Variants in SRR observed in about 807,000 individuals in gnomAD.
The protein encoded by SRR is serine racemase, also known as D-serine ammonia-lyase.
SRR carries 19 observed loss-of-function variants against 32.7 expected under a neutral mutation model. That is an observed-to-expected ratio of 0.58 (90% CI 0.40 to 0.85). The LOEUF (loss-of-function observed/expected upper bound fraction) is 0.85. Ranked by LOEUF, SRR falls within the 40% of genes least tolerant of loss-of-function variation. SRR has a pLI of 0.00. For synonymous variants in SRR, 142 were observed against 140.9 expected, an observed-to-expected ratio of 1.01 and a Z score of -0.06; for missense variants, 373 against 404.7, an observed-to-expected ratio of 0.92 and a Z score of 0.67.
At chr17:2,316,940 T>C (rs1011080385) in intron 2 of SRR, among the ~76,000 whole-genome samples, 2 of 146,490 alleles carry the variant, frequency 1.4e-5, no homozygotes, top group African/African-American at 5.0e-5. Flanking sequence ...TTAGCCAGGA[T>C]GTTCTTGATC....
rs1463742141 is a variant in SRR at position 2,307,595 on chromosome 17, C to T, written c.-5+3578C>T. The T allele has an allele frequency of 5.0e-6, 5 of 1,003,294 alleles. 1 individual carries two copies. Among genetic ancestry groups the T allele is most frequent in the African/African-American group, 3.2e-5 (2 of 63,084 alleles). 62.1% of individuals were successfully genotyped at this position (1,003,294 alleles called of 1,614,324 possible). A position where few individuals can be genotyped will look rare whatever the true frequency, so the allele number is the denominator to read the frequency against. On this transcript the variant is annotated intron_variant, in intron 1 of 7. Transcript: ENST00000344595. ...TTTTTGGACCCATGAAGGGAGGAAA[C>T]TTTGGAGGCAGAAGCTCTGGCCCCT... is the stretch of plus-strand genomic sequence containing the variant.
chr17:2,305,854 T>G (rs1314947424), intron 1 of SRR, among the ~76,000 whole-genome samples: 1 of 151,808 alleles, frequency 6.6e-6, no homozygotes, highest in Non-Finnish European at 1.5e-5. Flanking sequence ...CCCACCACCA[T>G]GCCCAGCTAA....
In SRR at chr17:2,325,019, C is replaced by T. The variant is rs1597273668; in HGVS notation, c.*1146C>T. The T allele has an allele frequency of 1.6e-6, 1 of 640,028 alleles. No individual in the cohort carries two copies. Among genetic ancestry groups the T allele is most frequent in the South Asian group, 2.2e-5 (1 of 45,076 alleles). 39.6% of individuals were successfully genotyped at this position (640,028 alleles called of 1,614,324 possible). ...AATAGGTTCTTGAAAACTTGTACTT[C>T]AAGAGAAATGATGTATAACAAAACC... On this transcript the variant is annotated 3_prime_UTR_variant, in exon 8 of 8. Coordinates refer to ENST00000344595, the MANE Select transcript of SRR (RefSeq NM_021947.3).
rs1195694879 is a variant in SRR at position 2,321,303 on chromosome 17, C to T, written c.400-3C>T. ...CAATTAAGCTAAATTAATGTACTTT[C>T]AGTCCAGAGAAAATGTTGCAAAAAG... On this transcript the variant is annotated splice_polypyrimidine_tract_variant and splice_region_variant and intron_variant, in intron 4 of 7. Transcript: ENST00000344595. The T allele has an allele frequency of 6.2e-7, 1 of 1,613,394 alleles. No homozygotes were observed. The highest frequency in any genetic ancestry group is 8.5e-7 in the Non-Finnish European group (1 of 1,179,830).
chr17:2,318,430 G>A (rs936147294), intron 3 of SRR, among the ~76,000 whole-genome samples: 17 of 151,026 alleles, frequency 1.1e-4, no homozygotes, highest in African/African-American at 3.2e-4. Context: ...GATTACAGGC[G>A]TGAGCCACCA....
Position 2,323,380 on chromosome 17 carries a change from T to C in SRR, c.804+35T>C, listed in dbSNP as rs781539118. 8.1e-6 allele frequency: 13 copies of C among 1,611,662 alleles called. No individual in the cohort carries two copies. In the Admixed American group the frequency reaches 8.3e-5, roughly 10 times the overall value. On this transcript the variant is annotated intron_variant, in intron 7 of 7. Coordinates refer to ENST00000344595, the MANE Select transcript of SRR (RefSeq NM_021947.3). ...CAGCAAGAAAAGAAATAGCAAAGCA[T>C]GGTGTAACTTCTTAGGCAGAAGAAA...
intron 1 of SRR, among the ~76,000 whole-genome samples, chr17:2,314,953 G>T (rs957328598): frequency 3.3e-5 from 5 of 151,576 alleles, no homozygotes; most frequent in African/African-American, 1.2e-4. Context: ...ATGATTAAAA[G>T]AAAGGTGGAG....
At chr17:2,303,496 G>A, upstream of SRR, 4 of 1,327,280 alleles carry the variant, frequency 3.0e-6, no homozygotes, top group African/African-American at 3.1e-5. Context: ...GCGAGGGTCC[G>A]CCGCGGCCCC....
At chr17:2,317,681 C>T (rs1479742996) in intron 2 of SRR, among the ~76,000 whole-genome samples, 189 bp from the exon 3 acceptor site, 15 of 151,698 alleles carry the variant, frequency 9.9e-5, no homozygotes, top group Admixed American at 9.9e-4. Flanking sequence ...GCACTCCAGC[C>T]GGGATAACGG....
chr17:2,317,646 T>C (rs2075487540), intron 2 of SRR, among the ~76,000 whole-genome samples: 1 of 152,048 alleles, frequency 6.6e-6, no homozygotes, highest in African/African-American at 2.4e-5. Context: ...AGGCGGACGT[T>C]GCAGTAAGCC....
chr17:2,306,599 C>T (rs1392344822), intron 1 of SRR, among the ~76,000 whole-genome samples: 2 of 151,924 alleles, frequency 1.3e-5, no homozygotes, highest in Non-Finnish European at 2.9e-5. Flanking sequence ...TGCCTGTAAT[C>T]CCAGCTACTT....
intron 2 of SRR, among the ~76,000 whole-genome samples, chr17:2,316,862 G>T (rs886178651): frequency 6.8e-6 from 1 of 147,208 alleles, no homozygotes; most frequent in Non-Finnish European, 1.5e-5. Flanking sequence ...ACAGGCGCCT[G>T]CCACCACGCC....
chr17:2,324,836 G>T lies in SRR; in HGVS notation c.*963G>T. On this transcript the variant is annotated 3_prime_UTR_variant, in exon 8 of 8. Coordinates refer to ENST00000344595, the MANE Select transcript of SRR (RefSeq NM_021947.3). ...GCAATGAGGCTGTGCATTCCTAAAG[G>T]ACAAAAGCAAAGAAGCTATTTAGGA... 6.2e-7 allele frequency: 1 copy of T among 1,601,800 alleles called. No homozygotes were observed. Among genetic ancestry groups the T allele is most frequent in the Middle Eastern group, 1.7e-4 (1 of 5,986 alleles).
At chr17:2,303,622 G>A (rs2151424873), upstream of SRR, 1 of 1,448,320 alleles carries the variant, frequency 6.9e-7, no homozygotes, top group Non-Finnish European at 9.0e-7. Flanking sequence ...GAGCTGGGCG[G>A]CGCGACTCAC....
At chr17:2,305,465 TAGG>T (rs1391398871) in intron 1 of SRR, among the ~76,000 whole-genome samples, 2 of 151,958 alleles carry the variant, frequency 1.3e-5, no homozygotes, top group African/African-American at 2.4e-5. Flanking sequence ...GAGACAAAGA[TAGG>T]AGACATGGAG....
In SRR at chr17:2,324,874, A is replaced by C; in HGVS notation, c.*1001A>C. On this transcript the variant is annotated 3_prime_UTR_variant, in exon 8 of 8. Coordinates refer to ENST00000344595, the MANE Select transcript of SRR (RefSeq NM_021947.3). ...AAGCTATTTAGGAATTTACAGGCCA[A>C]AGTCTTCATTTATTGCCCAGTCCAT... 1 of 1,578,396 alleles carries C rather than the reference A, an allele frequency of 6.3e-7. No individual in the cohort carries two copies. Among genetic ancestry groups the C allele is most frequent in the Non-Finnish European group, 8.6e-7 (1 of 1,166,638 alleles).
chr17:2,319,194 A>C (rs879754943), intron 4 of SRR, among the ~76,000 whole-genome samples: 14 of 152,112 alleles, frequency 9.2e-5, no homozygotes, highest in Admixed American at 3.9e-4. Flanking sequence ...TTCCCACTTG[A>C]TGTCTTAAAA....
chr17:2,317,004 G>A (rs2075479509), intron 2 of SRR, among the ~76,000 whole-genome samples: 1 of 150,018 alleles, frequency 6.7e-6, no homozygotes, highest in Admixed American at 6.7e-5. Flanking sequence ...TTACTGGCAT[G>A]AGTCACCGCA....
In SRR at chr17:2,313,834, C is replaced by G. The variant is rs111382048; in HGVS notation, c.-4-1723C>G. Among the ~76,000 whole-genome samples, 378 of 152,216 alleles carry G rather than the reference C, an allele frequency of 2.5e-3. 2 individuals are homozygous for G. The highest frequency in any genetic ancestry group is 8.6e-3 in the African/African-American group (359 of 41,538). On this transcript the variant is annotated intron_variant, in intron 1 of 7. Coordinates refer to ENST00000344595, the MANE Select transcript of SRR (RefSeq NM_021947.3). ...CAAAAAAAGAAGTTACCAAACCTAC[C>G]AAAGAGTTTTGTCTGCATATGTAGT... is the stretch of plus-strand genomic sequence containing the variant.
Sources: gnomAD v4.1 joint callset for allele counts (sites outside exome capture counted in the v4.1 genomes callset) on GRCh38, gnomAD v4.1.1 for gene constraint, MANE v1.5 for transcripts, NCBI Gene and HGNC (gene_info 2026-07-23, HGNC 2026-07-21) for gene names.